The following MYRIP variants were observed in gnomAD, a reference collection of about 807,000 sequenced individuals.
The protein encoded by MYRIP is myosin VIIA and Rab interacting protein, also known as rab effector MyRIP.
In MYRIP, 49 loss-of-function variants were observed where a neutral mutation model predicts 98.0. The ratio of observed to expected loss-of-function variants is 0.50; its 90% CI spans 0.40 to 0.63. MYRIP has a LOEUF of 0.63. Ranked by LOEUF, MYRIP falls within the 30% of genes least tolerant of loss-of-function variation. The pLI is 0.00. For synonymous variants in MYRIP, 404 were observed against 409.5 expected (o/e 0.99, Z 0.16); for missense variants, 1,004 against 1,058.2 (o/e 0.95, Z 0.71).
At chr3:40,148,818 A>G (rs766420002) in intron 3 of MYRIP, among the ~76,000 whole-genome samples, 17 of 152,208 alleles carry the variant, frequency 1.1e-4, no homozygotes, top group Non-Finnish European at 2.5e-4. Flanking sequence ...ATTTTTGAAC[A>G]AAGGACTTAG....
chr3:39,893,195 G>T (rs555171154), intron 1 of MYRIP, among the ~76,000 whole-genome samples: 2 of 152,216 alleles, frequency 1.3e-5, no homozygotes, highest in Non-Finnish European at 2.9e-5. Flanking sequence ...AGATTGGAAG[G>T]ATTTACCCAC....
At chr3:40,023,890 C>T (rs2125809921) in intron 2 of MYRIP, among the ~76,000 whole-genome samples, 1 of 152,244 alleles carries the variant, frequency 6.6e-6, no homozygotes, top group South Asian at 2.1e-4. Flanking sequence ...TGCCCATTTT[C>T]ACAGGATGTA....
intron 1 of MYRIP, among the ~76,000 whole-genome samples, chr3:39,892,362 G>A (rs1449065677): frequency 6.6e-6 from 1 of 152,150 alleles, no homozygotes; most frequent in African/African-American, 2.4e-5. Context: ...TGAAAGGAAG[G>A]AAAGTAAGGT....
chr3:39,991,015 G>A lies in MYRIP; in HGVS notation c.111-53035G>A, dbSNP rs540261549. 4.5e-4 allele frequency among the ~76,000 whole-genome samples: 68 copies of A among 152,234 alleles called. 1 individual carries two copies. Among genetic ancestry groups the A allele is most frequent in the African/African-American group, 1.3e-3 (55 of 41,544 alleles). ...GGCCTGTCGGGGAGTGTGGGGCTAC[G>A]GGAGGGATAACATTAGGAGAAATAC... On this transcript the variant is annotated intron_variant, in intron 2 of 16. Transcript: ENST00000302541.
chr3:40,185,033 A>C (rs1950989908), intron 9 of MYRIP, among the ~76,000 whole-genome samples: 1 of 152,244 alleles, frequency 6.6e-6, no homozygotes, highest in Non-Finnish European at 1.5e-5. Flanking sequence ...GTTTAGCAGG[A>C]AGCAAATTAT....
intron 3 of MYRIP, among the ~76,000 whole-genome samples, chr3:40,103,918 A>C (rs1949001765): frequency 6.6e-6 from 1 of 152,238 alleles, no homozygotes; most frequent in African/African-American, 2.4e-5. Flanking sequence ...AAATTTCTAG[A>C]ATGTTGACAG....
Position 39,827,878 on chromosome 3 carries a change from GT to G in MYRIP, c.-31+17971del, listed in dbSNP as rs138698516. Among the ~76,000 whole-genome samples, 245 of 151,184 alleles carry G rather than the reference GT, an allele frequency of 1.6e-3. 1 individual carries two copies. The highest frequency in any genetic ancestry group is 5.5e-3 in the African/African-American group (227 of 41,220). On this transcript the variant is annotated intron_variant, in intron 1 of 16. Coordinates refer to ENST00000302541, the MANE Select transcript of MYRIP (RefSeq NM_015460.4). ...CCGAATATAATATTCTTGATTGGCA[GT>G]TTTTTTTTCTTTCAGTACTTTGGAT... is the stretch of plus-strand genomic sequence containing the variant.
At chr3:39,926,495 C>A (rs990192082) in intron 2 of MYRIP, among the ~76,000 whole-genome samples, 6 of 151,772 alleles carry the variant, frequency 4.0e-5, no homozygotes, top group Admixed American at 3.9e-4. Context: ...TAATCCATCT[C>A]GAGTTAATTT....
At chr3:40,178,792 G>A (rs866955641) in intron 8 of MYRIP, among the ~76,000 whole-genome samples, 3 of 152,246 alleles carry the variant, frequency 2.0e-5, no homozygotes, top group Middle Eastern at 3.4e-3. Flanking sequence ...ACTACCTAAG[G>A]TATCACCCAT....
At chr3:40,200,345 T>C (rs2679821) in intron 10 of MYRIP, among the ~76,000 whole-genome samples, 93,617 of 151,864 alleles carry the variant, frequency 0.62, 29,187 homozygotes, top group African/African-American at 0.68. Context: ...CAAAGTCCTC[T>C]TGGGCCACAT....
chr3:40,182,224 C>T lies in MYRIP; in HGVS notation c.878C>T (p.Ser293Phe). 3.1e-6 allele frequency: 5 copies of T among 1,608,208 alleles called. No individual in the cohort carries two copies. Among genetic ancestry groups the T allele is most frequent in the Non-Finnish European group, 4.2e-6 (5 of 1,177,176 alleles). ...TCCCCTCTTTCCTTTCCACAGAGGT[C>T]CCAGTCTGCCTTCTCAATCACTGGA... Reference protein sequence around the residue: ...GYRAPAALWRSQSAFSITGEE... With the variant: ...GYRAPAALWRFQSAFSITGEE... Residue 293 changes from serine (S) to phenylalanine (F), a missense_variant, in exon 9 of 17, where the codon TCC becomes TTC. Ser to Phe is a radical substitution (Grantham distance 155). Coordinates refer to ENST00000302541, the MANE Select transcript of MYRIP (RefSeq NM_015460.4).
At chr3:40,097,506 G>A (rs1948855344) in intron 3 of MYRIP, among the ~76,000 whole-genome samples, 3 of 152,192 alleles carry the variant, frequency 2.0e-5, no homozygotes, top group South Asian at 4.1e-4. Flanking sequence ...TTTATTCAAG[G>A]CTTCTCTTGG....
chr3:40,022,154 T>G (rs1322800104), intron 2 of MYRIP, among the ~76,000 whole-genome samples: 1 of 152,190 alleles, frequency 6.6e-6, no homozygotes, highest in Non-Finnish European at 1.5e-5. Context: ...TGAACTTGTA[T>G]TTGAGGAGAA....
intron 2 of MYRIP, among the ~76,000 whole-genome samples, chr3:40,035,113 A>G (rs1947348998): frequency 6.7e-6 from 1 of 150,048 alleles, no homozygotes; most frequent in South Asian, 2.2e-4. Flanking sequence ...TAGGAGATAT[A>G]CCTAATGCTA....
At chr3:39,916,165 A>G (rs889507977) in intron 2 of MYRIP, among the ~76,000 whole-genome samples, 1 of 152,088 alleles carries the variant, frequency 6.6e-6, no homozygotes, top group African/African-American at 2.4e-5. Flanking sequence ...TAAAGATAAT[A>G]TATATCACTC....
At chr3:40,092,888 G>A (rs772206625) in intron 3 of MYRIP, among the ~76,000 whole-genome samples, 2 of 152,128 alleles carry the variant, frequency 1.3e-5, no homozygotes, top group African/African-American at 4.8e-5. Context: ...TGTTCCCGTC[G>A]CAGGAGTTTA....
rs980681406 is a variant in MYRIP at position 40,041,123 on chromosome 3, A to AGAAAGG, written c.111-2926_111-2921dup. ...TAAACAAGTGAATAAATAAATGGTGAGAAAGGATGTTTTTCTTTGTATGTA... is the reference window on the plus strand; with the variant it reads ...TAAACAAGTGAATAAATAAATGGTGAGAAAGGGAAAGGATGTTTTTCTTTGTATGTA... On this transcript the variant is annotated intron_variant, in intron 2 of 16. Transcript: ENST00000302541. Among the ~76,000 whole-genome samples the AGAAAGG allele has an allele frequency of 2.1e-5, 3 of 144,706 alleles. No individual in the cohort carries two copies. In the Admixed American group the frequency reaches 2.1e-4, roughly 10 times the overall value. The allele number at this position is 144,706 out of a possible 152,430, so 94.9% of individuals were successfully genotyped here.
chr3:39,989,838 C>A lies in MYRIP; in HGVS notation c.111-54212C>A, dbSNP rs1340301632. Among the ~76,000 whole-genome samples, 6 of 152,342 alleles carry A rather than the reference C, an allele frequency of 3.9e-5. No homozygotes were observed. In the East Asian group the frequency reaches 1.2e-3, roughly 29 times the overall value. ...GACTGTGGGGGATACCTCTTGGGACCAAGCTGTCCAGCCTCCCCAGCTCCA... is the reference window on the plus strand; with the variant it reads ...GACTGTGGGGGATACCTCTTGGGACAAAGCTGTCCAGCCTCCCCAGCTCCA... On this transcript the variant is annotated intron_variant, in intron 2 of 16. Coordinates refer to ENST00000302541, the MANE Select transcript of MYRIP (RefSeq NM_015460.4).
intron 1 of MYRIP, among the ~76,000 whole-genome samples, chr3:39,839,671 C>T (rs541793018): frequency 6.6e-5 from 10 of 152,200 alleles, no homozygotes; most frequent in South Asian, 2.1e-4. Context: ...CCAGAGTTTC[C>T]GGTACATTGT....
Sources: allele counts gnomAD v4.1 joint callset (sites outside exome capture counted in the v4.1 genomes callset), GRCh38; gene constraint gnomAD v4.1.1; transcripts MANE v1.5; gene names NCBI Gene and HGNC (gene_info 2026-07-23, HGNC 2026-07-21).